Variants in REL observed in about 807,000 individuals in gnomAD.
REL encodes the protein proto-oncogene c-Rel.
Under a neutral mutation model 45.9 loss-of-function variants are expected in REL, and 15 were observed. That is an observed-to-expected ratio of 0.33 (90% confidence interval 0.22 to 0.50). The LOEUF (loss-of-function observed/expected upper bound fraction) is 0.50. REL is among the 20% of genes least tolerant of loss of function. The pLI is 0.98. For synonymous variants in REL, 239 were observed against 242.1 expected, an observed-to-expected ratio of 0.99 and a Z score of 0.12; for missense variants, 601 against 715.2, an observed-to-expected ratio of 0.84 and a Z score of 1.82.
At chr2:60,906,135 T>C (rs962510074) in intron 4 of REL, among the ~76,000 whole-genome samples, 1 of 152,200 alleles carries the variant, frequency 6.6e-6, no homozygotes, top group Non-Finnish European at 1.5e-5. Context: ...GTGAGACTTA[T>C]TCACTACCAC....
chr2:60,917,530 G>GTTTT (rs758484837), intron 5 of REL, among the ~76,000 whole-genome samples: 16 of 128,752 alleles, frequency 1.2e-4, no homozygotes, highest in African/African-American at 4.7e-4. Flanking sequence ...TTTTTTATTG[G>GTTTT]TTTTTTTTTT....
chr2:60,894,634 A>C (rs1244060248), intron 3 of REL, 89 bp downstream of exon 3: 1 of 1,065,328 alleles, frequency 9.4e-7, no homozygotes, highest in Admixed American at 3.0e-5. Context: ...ACTTTTTAGC[A>C]GAATAATTTT....
intron 4 of REL, among the ~76,000 whole-genome samples, chr2:60,913,890 C>T (rs1673887719): frequency 6.6e-6 from 1 of 152,104 alleles, no homozygotes. Context: ...TTAACGTTTA[C>T]TTTATGCTTT....
chr2:60,911,605 A>G (rs940950012), intron 4 of REL, among the ~76,000 whole-genome samples: 4 of 152,184 alleles, frequency 2.6e-5, no homozygotes, highest in Non-Finnish European at 5.9e-5. Flanking sequence ...AAATGATAAG[A>G]TTTCTTTAGG....
At chr2:60,906,537 G>A (rs918672534) in intron 4 of REL, among the ~76,000 whole-genome samples, 1 of 152,016 alleles carries the variant, frequency 6.6e-6, no homozygotes, top group African/African-American at 2.4e-5. Context: ...TCATAATCTG[G>A]AAGCCTTCCT....
chr2:60,912,167 T>C (rs1315992499), intron 4 of REL, among the ~76,000 whole-genome samples: 1 of 152,098 alleles, frequency 6.6e-6, no homozygotes, highest in Non-Finnish European at 1.5e-5. Flanking sequence ...GGCAGTGTCA[T>C]ATTGGGATAA....
chr2:60,906,829 G>T (rs1673664959), intron 4 of REL, among the ~76,000 whole-genome samples: 1 of 149,964 alleles, frequency 6.7e-6, no homozygotes, highest in African/African-American at 2.5e-5. Flanking sequence ...ACCTGTGTGT[G>T]TGTGTATATA....
At chr2:60,917,516 AT>A (rs1227974430) in intron 5 of REL, among the ~76,000 whole-genome samples, 12 of 121,838 alleles carry the variant, frequency 9.8e-5, no homozygotes, top group East Asian at 9.2e-4. Flanking sequence ...ATTCTTGTAT[AT>A]TTTTTTTTAT....
Position 60,927,408 on chromosome 2 carries a change from T to C in REL, c.*4873T>C, listed in dbSNP as rs1013842908. ...ACACACGCACACATACCACAGCCCT[T>C]TGAGACTGAAAGCAGCTCTATTGAG... On this transcript the variant is annotated 3_prime_UTR_variant, in exon 10 of 10. Transcript: ENST00000394479. 7 of 231,676 alleles carry C rather than the reference T, an allele frequency of 3.0e-5. No individual in the cohort carries two copies. The highest frequency in any genetic ancestry group is 2.6e-3 in the Middle Eastern group (2 of 776). 14.4% of individuals were successfully genotyped at this position (231,676 alleles called of 1,614,324 possible). A position where few individuals can be genotyped will look rare whatever the true frequency, so the allele number is the denominator to read the frequency against.
In REL at chr2:60,886,278, A is replaced by T. The variant is rs144510280; in HGVS notation, c.10+4428A>T. 4.8e-3 allele frequency among the ~76,000 whole-genome samples: 726 copies of T among 152,324 alleles called. 3 individuals carry two copies. Among genetic ancestry groups the T allele is most frequent in the Non-Finnish European group, 8.1e-3 (553 of 68,016 alleles). On this transcript the variant is annotated intron_variant, in intron 1 of 9. Transcript: ENST00000394479. ...AAAACTACCTAGGTGATTCTGATGTACATCCCCAGTATGAACTCTGTTCTA... is the reference window on the plus strand; with the variant it reads ...AAAACTACCTAGGTGATTCTGATGTTCATCCCCAGTATGAACTCTGTTCTA...
rs1348076867 is a variant in REL at position 60,927,637 on chromosome 2, A to G, written c.*5102A>G. 1 of 229,878 alleles carries G rather than the reference A, an allele frequency of 4.4e-6. No individual in the cohort carries two copies. The highest frequency in any genetic ancestry group is 8.6e-6 in the Non-Finnish European group (1 of 115,972). The allele number at this position is 229,878 out of a possible 1,614,324, so 14.2% of individuals were successfully genotyped here. ...TTGTATAACATTTTTTGAATGTCCA[A>G]TGTGCAAAGCACGATGTTGGAAATT... On this transcript the variant is annotated 3_prime_UTR_variant, in exon 10 of 10. Transcript: ENST00000394479.
chr2:60,888,624 G>T (rs934472755), intron 1 of REL, among the ~76,000 whole-genome samples: 17 of 152,124 alleles, frequency 1.1e-4, no homozygotes, highest in African/African-American at 4.1e-4. Context: ...AACTTGTTTA[G>T]GTTAAAGTCA....
In REL at chr2:60,922,325, C is replaced by T. The variant is rs758210282; in HGVS notation, c.1554C>T (p.Ser518=). 15 of 1,614,060 alleles carry T rather than the reference C, an allele frequency of 9.3e-6. No individual in the cohort carries two copies. The highest frequency in any genetic ancestry group is 1.3e-5 in the Non-Finnish European group (15 of 1,180,004). ...CCAGTATGTCAGCAGGCGCCAATTCCAATACTACTGTTTTTGTTTCACAAT... is the reference window on the plus strand; with the variant it reads ...CCAGTATGTCAGCAGGCGCCAATTCTAATACTACTGTTTTTGTTTCACAAT... ...SSSSMSAGAN[S]NTTVFVSQSD... is the part of the protein sequence containing the mutation. Residue 518 remains serine (S), a synonymous_variant, in exon 10 of 10, where the codon TCC becomes TCT. Coordinates refer to ENST00000394479, the MANE Select transcript of REL (RefSeq NM_001291746.2).
chr2:60,908,960 C>T (rs1209469641), intron 4 of REL, among the ~76,000 whole-genome samples: 1 of 152,176 alleles, frequency 6.6e-6, no homozygotes, highest in Admixed American at 6.5e-5. Flanking sequence ...TTCCTTACAA[C>T]TGAAAACTTA....
At chr2:60,919,426 T>C (rs1182849404) in intron 7 of REL, among the ~76,000 whole-genome samples, 5 of 151,790 alleles carry the variant, frequency 3.3e-5, no homozygotes, top group Non-Finnish European at 5.9e-5. Context: ...TTTTGTTTTT[T>C]TGTTTTTTTG....
intron 3 of REL, among the ~76,000 whole-genome samples, chr2:60,895,300 G>A (rs1386946333): frequency 6.6e-6 from 1 of 152,012 alleles, no homozygotes; most frequent in Non-Finnish European, 1.5e-5. Flanking sequence ...TTCAGCCTCA[G>A]CCTCCTGAGT....
At chr2:60,907,195 C>T (rs1227829275) in intron 4 of REL, among the ~76,000 whole-genome samples, 3 of 151,024 alleles carry the variant, frequency 2.0e-5, no homozygotes, top group Non-Finnish European at 4.4e-5. Flanking sequence ...ACTGGGATTA[C>T]AGGCGTGAGC....
chr2:60,888,872 C>T (rs1443590187), intron 1 of REL, among the ~76,000 whole-genome samples: 4 of 152,082 alleles, frequency 2.6e-5, no homozygotes, highest in Middle Eastern at 3.2e-3. Flanking sequence ...TTAAATAATC[C>T]TTCATTCATC....
chr2:60,922,470 G>C lies in REL; in HGVS notation c.1699G>C (p.Gly567Arg). The change falls in exon 10 of 10, where the codon GGT (glycine) becomes CGT (arginine). Residue 567 changes from glycine (G) to arginine (R), a missense_variant. Around this residue, in one of 4 missense-constraint regions of REL, gnomAD observed 334 missense variants for 333.1 expected, o/e 1.00. Transcript: ENST00000394479. ...HGFVQDSQYS[G>R]IGSMQNEQLS... ...TTTTGTTCAAGATAGTCAGTATTCA[G>C]GTATTGGCAGTATGCAAAATGAGCA... 1 of 1,613,222 alleles carries C rather than the reference G, an allele frequency of 6.2e-7. No homozygotes were observed. Among genetic ancestry groups the C allele is most frequent in the Non-Finnish European group, 8.5e-7 (1 of 1,179,820 alleles).
Sources: gnomAD v4.1 joint callset for allele counts (sites outside exome capture counted in the v4.1 genomes callset) on GRCh38, gnomAD v4.1.1 for gene constraint, gnomAD v4.1.1 regional missense constraint, MANE v1.5 for transcripts, NCBI Gene and HGNC (gene_info 2026-07-23, HGNC 2026-07-21) for gene names.